SLC40A1: variants seen among roughly 807,000 people sequenced by gnomAD.
SLC40A1 encodes ferroportin.
A neutral mutation model predicts 53.5 loss-of-function variants in SLC40A1; 16 were observed. The ratio of observed to expected loss-of-function variants is 0.30; its 90% CI spans 0.20 to 0.45. SLC40A1 has a LOEUF of 0.45. Among genes scored for constraint, SLC40A1 ranks in the 20% least tolerant of loss-of-function variants. The pLI is 1.00. For synonymous variants in SLC40A1, 247 were observed against 253.2 expected (o/e 0.98, Z 0.23); for missense variants, 545 against 695.4 (o/e 0.78, Z 2.43).
chr2:189,570,002 GTATATATATATACACACCTATATATGTA>G (rs2031072915), intron 5 of SLC40A1, among the ~76,000 whole-genome samples: 9 of 130,804 alleles, frequency 6.9e-5, no homozygotes, highest in African/African-American at 2.5e-4. Flanking sequence ...ATATATGTAT[GTATATATATATACACACCTATATATGTA>G]TGTATATATA....
At chr2:189,566,028 G>A (rs1358308091) in intron 5 of SLC40A1, among the ~76,000 whole-genome samples, 1 of 152,050 alleles carries the variant, frequency 6.6e-6, no homozygotes, top group Non-Finnish European at 1.5e-5. Flanking sequence ...AAGCATATGT[G>A]TGTGTGTGTG....
chr2:189,563,951 C>A lies in SLC40A1; in HGVS notation c.1035G>T (p.Leu345Phe). ...TTCCAGTTATAGCTGATGCTCCCAT[C>A]AAAATACTGAGGATGGAACCACTCA... The part of the protein sequence containing the change: ...QGLSGSILSI[L>F]MGASAITGIM... The change falls in exon 7 of 8, where the codon TTG (leucine) becomes TTT (phenylalanine). Residue 345 changes from leucine (L) to phenylalanine (F), a missense_variant. By Grantham distance (22) the Leu-to-Phe change is conservative (BLOSUM62 0). Around this residue, in one of 4 missense-constraint regions of SLC40A1, gnomAD observed 234 missense variants for 299.0 expected, o/e 0.78. Transcript: ENST00000261024. 6.2e-7 allele frequency: 1 copy of A among 1,614,110 alleles called. No homozygotes were observed. The highest frequency in any genetic ancestry group is 8.5e-7 in the Non-Finnish European group (1 of 1,179,998).
chr2:189,571,827 G>C lies in SLC40A1; in HGVS notation c.402C>G (p.Ile134Met). 6.2e-7 allele frequency: 1 copy of C among 1,608,798 alleles called. No homozygotes were observed. The highest frequency in any genetic ancestry group is 8.5e-7 in the Non-Finnish European group (1 of 1,175,318). Residue 134 changes from isoleucine to methionine, a missense_variant, in exon 5 of 8, where the codon ATC (isoleucine) becomes ATG (methionine). Coordinates refer to ENST00000261024, the MANE Select transcript of SLC40A1 (RefSeq NM_014585.6). Reference protein sequence around the residue: ...YHGWVLTSCYILIITIANIAN... With the variant: ...YHGWVLTSCYMLIITIANIAN... Reference sequence around the variant, plus strand: ...CAATATTTGCAATAGTGATGATCAGGATATAGCAGGAAGTCTAAAGAATGA... The same window carrying C: ...CAATATTTGCAATAGTGATGATCAGCATATAGCAGGAAGTCTAAAGAATGA...
At chr2:189,572,997 A>T (rs1349958210) in intron 3 of SLC40A1, 36 bp from the exon 4 acceptor site, 1 of 1,372,322 alleles carries the variant, frequency 7.3e-7, no homozygotes, top group Non-Finnish European at 1.0e-6. Flanking sequence ...ACATTACATC[A>T]AAATGTCTCA....
At position 189,580,731 on chromosome 2, in the gene SLC40A1, G is replaced by A; in HGVS notation, c.-271C>T. The A allele has an allele frequency of 7.3e-7, 1 of 1,366,112 alleles. No individual in the cohort carries two copies. The allele number at this position is 1,366,112 out of a possible 1,614,324, so 84.6% of individuals were successfully genotyped here. On this transcript the variant is annotated 5_prime_UTR_variant, in exon 1 of 8. Transcript: ENST00000261024. ...TGGAAGCGGTTTGGGAGGCTCAGCA[G>A]GTCGTCCGAGCCTAGCGGACGCCCT...
At chr2:189,567,149 C>A (rs4667287) in intron 5 of SLC40A1, among the ~76,000 whole-genome samples, 128,854 of 152,128 alleles carry the variant, frequency 0.85, 55,003 homozygotes, top group East Asian at 0.9. Context: ...GTGAAAAGGC[C>A]GTGGAATGAA....
intron 5 of SLC40A1, 136 bp from the exon 6 acceptor site, chr2:189,565,735 A>G: frequency 7.8e-7 from 1 of 1,290,266 alleles, no homozygotes. Flanking sequence ...TTTGTAAGAA[A>G]GACATTTTGT....
At chr2:189,564,488 C>A (rs983232269) in intron 6 of SLC40A1, among the ~76,000 whole-genome samples, 1 of 151,882 alleles carries the variant, frequency 6.6e-6, no homozygotes, top group African/African-American at 2.4e-5. Flanking sequence ...AAATTATACT[C>A]CCACCAAAGT....
At chr2:189,571,967 T>G (rs1057407263) in intron 4 of SLC40A1, 126 bp from the exon 5 acceptor site, 1 of 718,162 alleles carries the variant, frequency 1.4e-6, no homozygotes. Flanking sequence ...ATTTCATTTA[T>G]AAGAAATCAT....
chr2:189,580,760 C>G lies in SLC40A1; in HGVS notation c.-300G>C. On this transcript the variant is annotated 5_prime_UTR_variant, in exon 1 of 8. Coordinates refer to ENST00000261024, the MANE Select transcript of SLC40A1 (RefSeq NM_014585.6). ...GTCCGAGCCTAGCGGACGCCCTGAG[C>G]CAGCTCTCTCCGCCGCCGCCGCCGC... 6 of 1,308,882 alleles carry G rather than the reference C, an allele frequency of 4.6e-6. No homozygotes were observed. In the South Asian group the frequency reaches 6.1e-5, roughly 13 times the overall value. 81.1% of individuals were successfully genotyped at this position (1,308,882 alleles called of 1,614,324 possible). A position where few individuals can be genotyped will look rare whatever the true frequency, so the allele number is the denominator to read the frequency against.
chr2:189,571,941 TA>T (rs1055931629), intron 4 of SLC40A1, 100 bp from the exon 5 acceptor site: 3 of 806,318 alleles, frequency 3.7e-6, no homozygotes, highest in East Asian at 2.5e-5. Flanking sequence ...GGTGGAATGA[TA>T]AAAAAAGTAT....
At chr2:189,567,059 G>T (rs2030960146) in intron 5 of SLC40A1, among the ~76,000 whole-genome samples, 1 of 152,180 alleles carries the variant, frequency 6.6e-6, no homozygotes, top group South Asian at 2.1e-4. Flanking sequence ...GAGGGTATAT[G>T]CCAAGAGATG....
intron 5 of SLC40A1, among the ~76,000 whole-genome samples, chr2:189,570,958 T>C (rs554813886): frequency 6.6e-6 from 1 of 152,310 alleles, no homozygotes; most frequent in Admixed American, 6.5e-5. Context: ...CCTTCCTCCT[T>C]ACACAGGGGA....
rs752405201 is a variant in SLC40A1, at chr2:189,575,298, G to A, written c.134C>T (p.Ala45Val). The stretch of plus-strand genomic sequence containing the variant: ...GAGCTCTACCAGAAACACAGACACC[G>A]CAAAGTGCCACATCCGATCTCCCTT... ...STWGDRMWHF[A>V]VSVFLVELYG... Residue 45 changes from alanine (A) to valine (V), a missense_variant, in exon 3 of 8, where the codon GCG (alanine) becomes GTG (valine). Transcript: ENST00000261024. 3.1e-6 allele frequency: 5 copies of A among 1,613,892 alleles called. No individual in the cohort carries two copies. The highest frequency in any genetic ancestry group is 2.2e-5 in the East Asian group (1 of 44,892).
chr2:189,570,032 GTA>G (rs771769161), intron 5 of SLC40A1, among the ~76,000 whole-genome samples: 34 of 138,194 alleles, frequency 2.5e-4, no homozygotes, highest in Non-Finnish European at 3.8e-4. Flanking sequence ...ATATATGTAT[GTA>G]TATATATATA....
Position 189,580,699 on chromosome 2 carries a change from AG to A in SLC40A1, c.-240del. 6.9e-7 allele frequency: 1 copy of A among 1,443,660 alleles called. No homozygotes were observed. The highest frequency in any genetic ancestry group is 9.1e-7 in the Non-Finnish European group (1 of 1,099,724). 89.4% of individuals were successfully genotyped at this position (1,443,660 alleles called of 1,614,324 possible). A position where few individuals can be genotyped will look rare whatever the true frequency, so the allele number is the denominator to read the frequency against. ...ACTGTAGCTGAAGTTGGAAAGGCAA[AG>A]CCTTATGGAAGCGGTTTGGGAGGCT... On this transcript the variant is annotated 5_prime_UTR_variant, in exon 1 of 8. Coordinates refer to ENST00000261024, the MANE Select transcript of SLC40A1 (RefSeq NM_014585.6).
At chr2:189,573,777 T>TA (rs1293202306) in intron 3 of SLC40A1, among the ~76,000 whole-genome samples, 1 of 152,246 alleles carries the variant, frequency 6.6e-6, no homozygotes, top group East Asian at 1.9e-4. Flanking sequence ...AAGGGATAAT[T>TA]ACAGCTCTTG....
chr2:189,568,273 G>A (rs1053803000), intron 5 of SLC40A1, among the ~76,000 whole-genome samples: 1 of 152,006 alleles, frequency 6.6e-6, no homozygotes, highest in Non-Finnish European at 1.5e-5. Flanking sequence ...TGGATCACGA[G>A]GTCAGGAGAT....
At chr2:189,575,028 C>T in intron 3 of SLC40A1, 133 bp downstream of exon 3, 1 of 1,026,760 alleles carries the variant, frequency 9.7e-7, no homozygotes, top group Non-Finnish European at 1.5e-6. Flanking sequence ...GCCATCTAAG[C>T]CCTCCTCCCT....
Sources: allele counts gnomAD v4.1 joint callset (sites outside exome capture counted in the v4.1 genomes callset), GRCh38; gene constraint gnomAD v4.1.1; regional missense constraint gnomAD v4.1.1; transcripts MANE v1.5; gene names NCBI Gene and HGNC (gene_info 2026-07-23, HGNC 2026-07-21).